SPIRE1: variants seen among roughly 807,000 people sequenced by gnomAD.
SPIRE1 encodes the protein protein spire homolog 1.
A neutral mutation model predicts 94.1 loss-of-function variants in SPIRE1; 40 were observed. That is an observed-to-expected ratio of 0.43 (90% confidence interval 0.33 to 0.55). The LOEUF (loss-of-function observed/expected upper bound fraction) is 0.55. Ranked by LOEUF, SPIRE1 falls within the 20% of genes least tolerant of loss-of-function variation. SPIRE1 has a pLI of 0.06. For synonymous variants in SPIRE1, 376 were observed against 371.7 expected (o/e 1.01, Z -0.13); for missense variants, 838 against 975.2 (o/e 0.86, Z 1.87).
chr18:12,616,750 C>A (rs1187891840), intron 2 of SPIRE1, among the ~76,000 whole-genome samples: 1 of 152,204 alleles, frequency 6.6e-6, no homozygotes, highest in Non-Finnish European at 1.5e-5. Context: ...GCAGTTTAAT[C>A]AAAAAGCTCA....
chr18:12,639,613 T>G (rs903642014), intron 1 of SPIRE1, among the ~76,000 whole-genome samples: 1 of 151,900 alleles, frequency 6.6e-6, no homozygotes, highest in Non-Finnish European at 1.5e-5. Flanking sequence ...ATGCCTATAA[T>G]CCCAGCTACA....
rs571511594 is a variant in SPIRE1, at chr18:12,491,829, G to A, written c.1189+1243C>T. Among the ~76,000 whole-genome samples, 5 of 152,304 alleles carry A rather than the reference G, an allele frequency of 3.3e-5. No homozygotes were observed. In the South Asian group the frequency reaches 1.0e-3, roughly 32 times the overall value. ...GCAGGAGGACAATCAGTGCTGCTGC[G>A]ACAGATGACAGCCTCGGCTGGGATA... is the stretch of plus-strand genomic sequence containing the variant. On this transcript the variant is annotated intron_variant, in intron 8 of 16. Coordinates refer to ENST00000409402, the MANE Select transcript of SPIRE1 (RefSeq NM_001128626.2).
rs541216385 is a variant in SPIRE1, at chr18:12,456,588, T to C, written c.1639-2105A>G. ...GCAAATAACCAGATAGCCAGATTTGTTATTGTTTGTGCTAGCAAGACAGCA... is the reference window on the plus strand; with the variant it reads ...GCAAATAACCAGATAGCCAGATTTGCTATTGTTTGTGCTAGCAAGACAGCA... On this transcript the variant is annotated intron_variant, in intron 12 of 16. Transcript: ENST00000409402. Among the ~76,000 whole-genome samples, 3 of 152,284 alleles carry C rather than the reference T, an allele frequency of 2.0e-5. No individual in the cohort carries two copies. In the South Asian group the frequency reaches 6.2e-4, roughly 32 times the overall value.
At chr18:12,480,796 T>C (rs2032811500) in intron 9 of SPIRE1, among the ~76,000 whole-genome samples, 1 of 152,220 alleles carries the variant, frequency 6.6e-6, no homozygotes, top group Admixed American at 6.5e-5. Flanking sequence ...TTTTCTTCAG[T>C]ATTTCAAATG....
At chr18:12,466,213 C>T (rs2032092478) in intron 10 of SPIRE1, among the ~76,000 whole-genome samples, 1 of 152,080 alleles carries the variant, frequency 6.6e-6, no homozygotes, top group South Asian at 2.1e-4. Flanking sequence ...ATATTTATTC[C>T]TGAAATATTT....
chr18:12,492,892 G>GT (rs1169985389), intron 8 of SPIRE1, among the ~76,000 whole-genome samples, 180 bp downstream of exon 8: 2 of 152,124 alleles, frequency 1.3e-5, no homozygotes, highest in Admixed American at 6.6e-5. Flanking sequence ...GTGTGAGGGG[G>GT]TATGTATATG....
At chr18:12,525,295 A>AAT (rs1413979247) in intron 4 of SPIRE1, among the ~76,000 whole-genome samples, 6 of 145,862 alleles carry the variant, frequency 4.1e-5, no homozygotes, top group African/African-American at 1.5e-4. Context: ...AAAAAAAAAA[A>AAT]AAATAATAAT....
intron 1 of SPIRE1, chr18:12,653,322 G>A (rs974516058): frequency 6.6e-6 from 1 of 152,194 alleles, no homozygotes; most frequent in Non-Finnish European, 1.5e-5. Context: ...ACTAGAGACA[G>A]TATAGTGGTG....
chr18:12,597,139 C>T (rs1035742372), intron 2 of SPIRE1, among the ~76,000 whole-genome samples: 1 of 148,810 alleles, frequency 6.7e-6, no homozygotes, highest in East Asian at 2.0e-4. Context: ...TTTGCAACTT[C>T]CCTCTAGTGT....
At chr18:12,572,399 C>A (rs1019669840) in intron 2 of SPIRE1, among the ~76,000 whole-genome samples, 2 of 152,044 alleles carry the variant, frequency 1.3e-5, no homozygotes, top group African/African-American at 4.8e-5. Flanking sequence ...CTCAGCCTCA[C>A]ACAGTGCTAG....
chr18:12,657,443 G>A (rs2038580757), intron 1 of SPIRE1, 87 bp downstream of exon 1: 1 of 1,081,088 alleles, frequency 9.2e-7, no homozygotes, highest in Non-Finnish European at 1.2e-6. Flanking sequence ...GGACGGCGGG[G>A]GCGGAAGGGC....
intron 4 of SPIRE1, among the ~76,000 whole-genome samples, chr18:12,520,068 C>T (rs1452388464): frequency 6.6e-6 from 1 of 151,956 alleles, no homozygotes; most frequent in African/African-American, 2.4e-5. Flanking sequence ...CTCATTACAC[C>T]ATACCCACAA....
intron 2 of SPIRE1, among the ~76,000 whole-genome samples, chr18:12,605,969 GC>G (rs1279224741): frequency 6.6e-6 from 1 of 152,034 alleles, no homozygotes; most frequent in Non-Finnish European, 1.5e-5. Flanking sequence ...TCTTCCCACT[GC>G]AGGCCTTTGT....
chr18:12,448,818 C>T lies in SPIRE1; in HGVS notation c.*820G>A, dbSNP rs1251146095. ...CTGTCACAACCCTTCTCATAGGTAACCAAAATACGCTCAACGTCTTGACAA... is the reference window on the plus strand; with the variant it reads ...CTGTCACAACCCTTCTCATAGGTAATCAAAATACGCTCAACGTCTTGACAA... On this transcript the variant is annotated 3_prime_UTR_variant, in exon 17 of 17. Coordinates refer to ENST00000409402, the MANE Select transcript of SPIRE1 (RefSeq NM_001128626.2). The surrounding 1 kb of genome is among the most constrained non-coding windows in gnomAD (Gnocchi z 4.4). 6.6e-6 allele frequency: 1 copy of T among 152,334 alleles called. No homozygotes were observed. Among genetic ancestry groups the T allele is most frequent in the East Asian group, 1.9e-4 (1 of 5,196 alleles). The allele number at this position is 152,334 out of a possible 1,614,324, so 9.4% of individuals were successfully genotyped here. A position where few individuals can be genotyped will look rare whatever the true frequency, so the allele number is the denominator to read the frequency against.
At chr18:12,625,280 G>C (rs1013109852) in intron 2 of SPIRE1, among the ~76,000 whole-genome samples, 1 of 152,106 alleles carries the variant, frequency 6.6e-6, no homozygotes, top group Non-Finnish European at 1.5e-5. Flanking sequence ...ACCGTGTTGC[G>C]GCCATGGGAA....
intron 3 of SPIRE1, among the ~76,000 whole-genome samples, chr18:12,546,128 T>C (rs1201176599): frequency 6.6e-6 from 1 of 151,956 alleles, no homozygotes; most frequent in African/African-American, 2.4e-5. Flanking sequence ...TAGCTGGGAC[T>C]ACAGGTGCCC....
At chr18:12,462,062 G>C (rs571308596) in intron 12 of SPIRE1, among the ~76,000 whole-genome samples, 4 of 152,292 alleles carry the variant, frequency 2.6e-5, no homozygotes, top group African/African-American at 9.6e-5. Context: ...TTTCTTGTTG[G>C]TAAGTCACTG....
intron 1 of SPIRE1, among the ~76,000 whole-genome samples, chr18:12,643,967 G>A (rs1012589441): frequency 1.3e-5 from 2 of 150,314 alleles, no homozygotes; most frequent in East Asian, 1.9e-4. Flanking sequence ...GGGTGGGGGC[G>A]CGAATCATTT....
intron 9 of SPIRE1, among the ~76,000 whole-genome samples, chr18:12,482,939 CTT>C (rs11373716): frequency 2.2e-4 from 28 of 128,814 alleles, no homozygotes; most frequent in Admixed American, 3.2e-4. Context: ...CTTAATTGCA[CTT>C]TTTTTTTTTT....
Sources: gnomAD v4.1 joint callset for allele counts (sites outside exome capture counted in the v4.1 genomes callset) on GRCh38, gnomAD v4.1.1 for gene constraint, Gnocchi (gnomAD v3.1) non-coding constraint, MANE v1.5 for transcripts, NCBI Gene and HGNC (gene_info 2026-07-23, HGNC 2026-07-21) for gene names.